Variants in GPRC5B observed in about 807,000 individuals in gnomAD.
GPRC5B encodes G protein-coupled receptor class C group 5 member B.
Under a neutral mutation model 30.1 loss-of-function variants are expected in GPRC5B, and 16 were observed. That is an observed-to-expected ratio of 0.53 (90% CI 0.36 to 0.81). The LOEUF (loss-of-function observed/expected upper bound fraction) is 0.81. Among genes scored for constraint, GPRC5B ranks in the 30% least tolerant of loss-of-function variants. GPRC5B has a pLI of 0.01. For synonymous variants in GPRC5B, 241 were observed against 239.5 expected, an observed-to-expected ratio of 1.01 and a Z score of -0.06; for missense variants, 428 against 544.7, an observed-to-expected ratio of 0.79 and a Z score of 2.13.
intron 2 of GPRC5B, 23 bp downstream of exon 2, chr16:19,871,793 C>T: frequency 6.2e-7 from 1 of 1,601,266 alleles, no homozygotes; most frequent in Non-Finnish European, 8.5e-7. Flanking sequence ...CGGCCTGACC[C>T]AGCCGGGTGG....
upstream of GPRC5B, chr16:19,885,170 T>C (rs1056744356): frequency 1.6e-6 from 2 of 1,273,308 alleles, no homozygotes; most frequent in East Asian, 5.6e-5. This position sits in a 1 kb window ranked among gnomAD's most constrained non-coding sequence, Gnocchi z 5.3. Context: ...GTAGATCCAT[T>C]TGCGGGAACA....
At chr16:19,871,281 CAAAAAAAAA>C (rs71375667) in intron 2 of GPRC5B, among the ~76,000 whole-genome samples, 1 of 70,378 alleles carries the variant, frequency 1.4e-5, no homozygotes, top group African/African-American at 6.0e-5. Context: ...GACCCTGTCT[CAAAAAAAAA>C]AAAAAAAAAA....
Position 19,858,423 on chromosome 16 carries a change from G to T in GPRC5B, c.*2077C>A, listed in dbSNP as rs2141134904. The T allele has an allele frequency of 3.3e-6, 2 of 601,920 alleles. No individual in the cohort carries two copies. Among genetic ancestry groups the T allele is most frequent in the East Asian group, 5.8e-5 (2 of 34,194 alleles). The allele number at this position is 601,920 out of a possible 1,614,324, so 37.3% of individuals were successfully genotyped here. ...ACTTTCCATGGCAGCCATTTGTGCT[G>T]TGCTCACCTTATATGCTTGGACAAT... On this transcript the variant is annotated 3_prime_UTR_variant, in exon 4 of 4. Transcript: ENST00000300571.
rs2056599481 is a variant in GPRC5B, at chr16:19,859,124, A to C, written c.*1376T>G. The C allele has an allele frequency of 6.5e-6, 1 of 152,684 alleles. No homozygotes were observed. Among genetic ancestry groups the C allele is most frequent in the African/African-American group, 2.4e-5 (1 of 41,460 alleles). The allele number at this position is 152,684 out of a possible 1,614,324, so 9.5% of individuals were successfully genotyped here. A position where few individuals can be genotyped will look rare whatever the true frequency, so the allele number is the denominator to read the frequency against. On this transcript the variant is annotated 3_prime_UTR_variant, in exon 4 of 4. Transcript: ENST00000300571. The stretch of plus-strand genomic sequence containing the variant: ...GGTAGTTTTATAGAAAAAGCAATGT[A>C]GTGATTAGAGTATCTGCAGAAGGAC...
At position 19,856,792 on chromosome 16, in the gene GPRC5B, C is replaced by G. The variant is rs2056568173; in HGVS notation, c.*3708G>C. 1 of 487,988 alleles carries G rather than the reference C, an allele frequency of 2.0e-6. No individual in the cohort carries two copies. The highest frequency in any genetic ancestry group is 3.6e-6 in the Non-Finnish European group (1 of 274,330). The allele number at this position is 487,988 out of a possible 1,614,324, so 30.2% of individuals were successfully genotyped here. On this transcript the variant is annotated 3_prime_UTR_variant, in exon 4 of 4. Transcript: ENST00000300571. The stretch of plus-strand genomic sequence containing the variant: ...TTTTATTCATTCATCCAGATTACTT[C>G]TTCAGTGCCTCAGGAGTATTCTTCT...
intron 2 of GPRC5B, among the ~76,000 whole-genome samples, chr16:19,866,260 C>T (rs1452189513): frequency 6.6e-6 from 1 of 152,118 alleles, no homozygotes; most frequent in East Asian, 1.9e-4. Context: ...AATGTGTAGC[C>T]TGGTTAAGAC....
rs966745251 is a variant in GPRC5B, at chr16:19,868,376, G to GA, written c.1030+3439dup. Among the ~76,000 whole-genome samples the GA allele has an allele frequency of 6.2e-4, 91 of 145,612 alleles. 1 individual carries two copies. In the East Asian group the frequency reaches 7.3e-3, roughly 12 times the overall value. Reference sequence around the variant, plus strand: ...CAACAAGAGTGAAACTCCATCTCAAGAAAAAAAAAAGAAAGAAAAAAGAAA... The same window carrying GA: ...CAACAAGAGTGAAACTCCATCTCAAGAAAAAAAAAAAGAAAGAAAAAAGAAA... On this transcript the variant is annotated intron_variant, in intron 2 of 3. Transcript: ENST00000300571.
At chr16:19,884,980 G>A (rs2056839875), upstream of GPRC5B, 1 of 696,124 alleles carries the variant, frequency 1.4e-6, no homozygotes, top group Non-Finnish European at 1.7e-6. Flanking sequence ...CCCCGGTCCC[G>A]CCGGCGGTTC....
intron 1 of GPRC5B, among the ~76,000 whole-genome samples, chr16:19,879,003 C>T (rs1198718854): frequency 6.6e-6 from 1 of 152,150 alleles, no homozygotes; most frequent in East Asian, 1.9e-4. Flanking sequence ...CGTATAGCAG[C>T]GAGAGCCGGA....
chr16:19,861,301 A>G (rs192117119), intron 3 of GPRC5B, among the ~76,000 whole-genome samples: 36 of 152,328 alleles, frequency 2.4e-4, no homozygotes, highest in Admixed American at 2.2e-3. Flanking sequence ...GCAAACGTAA[A>G]CAATGACAAT....
At chr16:19,870,099 T>C (rs894653545) in intron 2 of GPRC5B, among the ~76,000 whole-genome samples, 17 of 151,978 alleles carry the variant, frequency 1.1e-4, no homozygotes, top group Non-Finnish European at 2.5e-4. Context: ...CAAAACCAAA[T>C]AACACTGGGA....
upstream of GPRC5B, chr16:19,884,944 C>T (rs1454306321): frequency 1.1e-5 from 10 of 913,594 alleles, no homozygotes; most frequent in South Asian, 4.9e-5. Context: ...CCCGGCCGGC[C>T]CCGCCCCCGG....
intron 2 of GPRC5B, among the ~76,000 whole-genome samples, chr16:19,871,388 G>A (rs1473070782): frequency 2.6e-5 from 4 of 151,986 alleles, no homozygotes; most frequent in South Asian, 2.1e-4. Flanking sequence ...TTGGGAGGCC[G>A]AGGTGGGCAT....
chr16:19,873,448 A>C (rs2056738892), intron 1 of GPRC5B, among the ~76,000 whole-genome samples: 1 of 148,866 alleles, frequency 6.7e-6, no homozygotes, highest in African/African-American at 2.5e-5. Flanking sequence ...TGGGCGACAG[A>C]GCTAGACTCC....
chr16:19,860,173 C>A lies in GPRC5B; in HGVS notation c.*327G>T. ...AGCTGTGAATTTGGTTCTGTTCTAC[C>A]CCCAGAGGATGAAACAGTCTTCCCA... On this transcript the variant is annotated 3_prime_UTR_variant, in exon 4 of 4. Coordinates refer to ENST00000300571, the MANE Select transcript of GPRC5B (RefSeq NM_016235.3). 3.7e-6 allele frequency: 1 copy of A among 272,082 alleles called. No individual in the cohort carries two copies. The highest frequency in any genetic ancestry group is 7.0e-6 in the Non-Finnish European group (1 of 141,892). 16.9% of individuals were successfully genotyped at this position (272,082 alleles called of 1,614,324 possible).
chr16:19,857,544 G>T lies in GPRC5B; in HGVS notation c.*2956C>A. 1 of 385,358 alleles carries T rather than the reference G, an allele frequency of 2.6e-6. No homozygotes were observed. Among genetic ancestry groups the T allele is most frequent in the Non-Finnish European group, 4.9e-6 (1 of 203,386 alleles). The allele number at this position is 385,358 out of a possible 1,614,324, so 23.9% of individuals were successfully genotyped here. A position where few individuals can be genotyped will look rare whatever the true frequency, so the allele number is the denominator to read the frequency against. On this transcript the variant is annotated 3_prime_UTR_variant, in exon 4 of 4. Transcript: ENST00000300571. ...AATATATATTATCTATCAAAAGTGA[G>T]CCTTAGCTCTTCATCAGTTAATAAA...
At chr16:19,864,044 C>A (rs2056648179) in intron 2 of GPRC5B, among the ~76,000 whole-genome samples, 1 of 152,094 alleles carries the variant, frequency 6.6e-6, no homozygotes, top group African/African-American at 2.4e-5. Context: ...CAACTTACTT[C>A]AAGAAGCCCA....
At chr16:19,876,723 C>A (rs1249599563) in intron 1 of GPRC5B, among the ~76,000 whole-genome samples, 1 of 152,234 alleles carries the variant, frequency 6.6e-6, no homozygotes, top group Non-Finnish European at 1.5e-5. Flanking sequence ...GCTCCTGACT[C>A]CTCTCTGACA....
upstream of GPRC5B, chr16:19,885,482 C>T (rs139279585): frequency 5.0e-5 from 57 of 1,140,412 alleles, no homozygotes; most frequent in East Asian, 2.4e-3. The surrounding 1 kb of genome is among the most constrained non-coding windows in gnomAD (Gnocchi z 5.3). Flanking sequence ...TGTCCGTTTA[C>T]GCACACTGGG....
Sources: allele counts gnomAD v4.1 joint callset (sites outside exome capture counted in the v4.1 genomes callset), GRCh38; gene constraint gnomAD v4.1.1; non-coding constraint Gnocchi (gnomAD v3.1); transcripts MANE v1.5; gene names NCBI Gene and HGNC (gene_info 2026-07-23, HGNC 2026-07-21).